UGGT2: variants seen among roughly 807,000 people sequenced by gnomAD.
The protein encoded by UGGT2 is UDP-glucose:glycoprotein glucosyltransferase 2.
Under a neutral mutation model 192.1 loss-of-function variants are expected in UGGT2, and 180 were observed. The ratio of observed to expected loss-of-function variants is 0.94; its 90% confidence interval spans 0.83 to 1.06. The LOEUF is 1.06. Among genes scored for constraint, UGGT2 ranks in the 50% least tolerant of loss-of-function variants. The probability of loss-of-function intolerance (pLI) is 0.00; values close to 1 mark genes in which losing one functional copy is unlikely to be tolerated. For missense variants in UGGT2, 1,849 were observed against 1,795.7 expected (o/e 1.03, Z -0.54); for synonymous variants, 580 against 591.0 (o/e 0.98, Z 0.27).
At chr13:95,928,879 T>C (rs2049141163) in intron 17 of UGGT2, among the ~76,000 whole-genome samples, 1 of 152,094 alleles carries the variant, frequency 6.6e-6, no homozygotes, top group East Asian at 1.9e-4. Context: ...GCCGAGATCA[T>C]GCCACTGCAC....
At chr13:95,969,864 T>C (rs2050713806) in intron 12 of UGGT2, among the ~76,000 whole-genome samples, 1 of 152,218 alleles carries the variant, frequency 6.6e-6, no homozygotes, top group African/African-American at 2.4e-5. Context: ...TATTCTGTTG[T>C]TATCTCTGAA....
chr13:95,856,407 A>T, intron 33 of UGGT2, 67 bp from the exon 34 acceptor site: 3 of 1,538,844 alleles, frequency 1.9e-6, no homozygotes, highest in Non-Finnish European at 2.6e-6. Flanking sequence ...AGAGAAAAAA[A>T]TAACATTAAA....
At chr13:95,905,737 T>A (rs1594285388) in intron 20 of UGGT2, among the ~76,000 whole-genome samples, 1 of 152,214 alleles carries the variant, frequency 6.6e-6, no homozygotes, top group South Asian at 2.1e-4. Flanking sequence ...GTGTGATGCC[T>A]CCAGCTTTGT....
At chr13:95,960,396 C>A (rs1459140148) in intron 12 of UGGT2, among the ~76,000 whole-genome samples, 1 of 152,082 alleles carries the variant, frequency 6.6e-6, no homozygotes, top group South Asian at 2.1e-4. Flanking sequence ...ATAGAAAATT[C>A]ATTGAATGAC....
intron 11 of UGGT2, among the ~76,000 whole-genome samples, chr13:95,970,920 A>T (rs938661868): frequency 6.6e-6 from 1 of 152,222 alleles, no homozygotes; most frequent in Admixed American, 6.5e-5. Context: ...ATGTAGATAT[A>T]TAAGACCCTG....
At chr13:96,007,946 C>A (rs2052032749) in intron 5 of UGGT2, among the ~76,000 whole-genome samples, 1 of 152,128 alleles carries the variant, frequency 6.6e-6, no homozygotes, top group Non-Finnish European at 1.5e-5. Flanking sequence ...GGGGAAAGGA[C>A]AGTCTTTTCA....
chr13:95,922,119 CATTG>C, intron 20 of UGGT2, among the ~76,000 whole-genome samples: 1 of 152,328 alleles, frequency 6.6e-6, no homozygotes, highest in Admixed American at 6.5e-5. Context: ...TCAATCTACA[CATTG>C]ATTGATAGAA....
Position 95,988,181 on chromosome 13 carries a change from T to C in UGGT2, c.932-1749A>G, listed in dbSNP as rs115070050. 6.0e-3 allele frequency among the ~76,000 whole-genome samples: 916 copies of C among 152,152 alleles called. 12 individuals are homozygous for C. The highest frequency in any genetic ancestry group is 0.021 in the African/African-American group (878 of 41,528). ...TACTGGAATCGAATAATCCATTCCT[T>C]GTTGGTTTCCCTCAATCATGCCTGT... On this transcript the variant is annotated intron_variant, in intron 8 of 38. Transcript: ENST00000376747.
At chr13:95,881,707 T>C (rs895821933) in intron 27 of UGGT2, among the ~76,000 whole-genome samples, 3 of 152,242 alleles carry the variant, frequency 2.0e-5, no homozygotes, top group African/African-American at 2.4e-5. Context: ...CTTTTATTTA[T>C]TGCATCTTCT....
intron 5 of UGGT2, among the ~76,000 whole-genome samples, chr13:96,001,433 C>G (rs2051800431): frequency 6.6e-6 from 1 of 152,154 alleles, no homozygotes; most frequent in Admixed American, 6.5e-5. Flanking sequence ...CGGCCCCACC[C>G]CATCTCCCTT....
Position 96,053,191 on chromosome 13 carries a change from G to A in UGGT2, c.122C>T (p.Ala41Val). 1 of 1,523,038 alleles carries A rather than the reference G, an allele frequency of 6.6e-7. No individual in the cohort carries two copies. The highest frequency in any genetic ancestry group is 8.8e-7 in the Non-Finnish European group (1 of 1,141,626). The allele number at this position is 1,523,038 out of a possible 1,614,324, so 94.3% of individuals were successfully genotyped here. Reference sequence around the variant, plus strand: ...CAGCAGCGGGGTCTCGGGCCACTTCGCGGCCAAGTGGGCAGTCACCGACTT... The same window carrying A: ...CAGCAGCGGGGTCTCGGGCCACTTCACGGCCAAGTGGGCAGTCACCGACTT... ...ASKSVTAHLA[A>V]KWPETPLLLE... is the part of the protein sequence containing the mutation. The change falls in exon 1 of 39, where the codon GCG (alanine) becomes GTG (valine). Residue 41 changes from alanine (A) to valine (V), a missense_variant. Physicochemically the swap from Ala to Val is moderately conservative, Grantham distance 64 (BLOSUM62 0). Coordinates refer to ENST00000376747, the MANE Select transcript of UGGT2 (RefSeq NM_020121.4).
At chr13:95,947,416 A>G (rs1247830736) in intron 14 of UGGT2, among the ~76,000 whole-genome samples, 1 of 151,470 alleles carries the variant, frequency 6.6e-6, no homozygotes, top group Non-Finnish European at 1.5e-5. Flanking sequence ...TCAAATGGCC[A>G]TGTTCTTTTG....
At chr13:95,845,923 G>A (rs1888385268) in intron 36 of UGGT2, among the ~76,000 whole-genome samples, 1 of 149,028 alleles carries the variant, frequency 6.7e-6, no homozygotes, top group Non-Finnish European at 1.5e-5. Flanking sequence ...CGGGGAGAGG[G>A]ACTCCTCACT....
At position 95,853,536 on chromosome 13, in the gene UGGT2, T is replaced by C. The variant is rs375633162; in HGVS notation, c.4284+7A>G. The stretch of plus-strand genomic sequence containing the variant: ...ACTCAAAATTATTCTGTTAACATTT[T>C]ACTTACCTGATCTAGGTTTGAAAGA... On this transcript the variant is annotated splice_region_variant and intron_variant, in intron 36 of 38. Coordinates refer to ENST00000376747, the MANE Select transcript of UGGT2 (RefSeq NM_020121.4). 8 of 1,611,438 alleles carry C rather than the reference T, an allele frequency of 5.0e-6. No individual in the cohort carries two copies. The East Asian group carries it at 6.7e-5, about 13-fold the overall frequency.
chr13:95,829,448 A>G (rs1886424036), intron 38 of UGGT2, among the ~76,000 whole-genome samples: 2 of 152,224 alleles, frequency 1.3e-5, no homozygotes, highest in Non-Finnish European at 2.9e-5. Context: ...AATCTCCTTA[A>G]GCTGATAAGC....
intron 38 of UGGT2, chr13:95,832,621 C>T: frequency 2.5e-6 from 1 of 395,314 alleles, no homozygotes; most frequent in South Asian, 2.0e-5. Context: ...AAATTCAGTG[C>T]AATCTTAAAG....
chr13:95,996,983 C>T (rs984052710), intron 6 of UGGT2, among the ~76,000 whole-genome samples: 7 of 152,140 alleles, frequency 4.6e-5, no homozygotes, highest in Admixed American at 3.9e-4. Context: ...ATCATAAAGA[C>T]TGTGACCTCT....
rs754331819 is a variant in UGGT2, at chr13:95,877,355, GA to G, written c.3396del (p.Gln1133AsnfsTer2). The G allele has an allele frequency of 5.6e-6, 9 of 1,603,876 alleles. No homozygotes were observed. The East Asian group carries it at 1.6e-4, about 28-fold the overall frequency. On this transcript the variant is annotated frameshift_variant, in exon 29 of 39. Transcript: ENST00000376747. LOFTEE classifies it high-confidence loss of function. ...DTIVMAHHGY[F>X]QLKANPGAWI... The stretch of plus-strand genomic sequence containing the variant: ...CAAGCACCTGGGTTTGCTTTTAATT[GA>G]AAATACCCCTTTTAAGATGAGAAAA...
At chr13:95,883,878 ATACT>A (rs1328053074) in intron 27 of UGGT2, among the ~76,000 whole-genome samples, 7 of 152,128 alleles carry the variant, frequency 4.6e-5, no homozygotes, top group Non-Finnish European at 7.4e-5. Flanking sequence ...ACTCAGTTTA[ATACT>A]TTCTTTCTGT....
Sources: gnomAD v4.1 joint callset for allele counts (sites outside exome capture counted in the v4.1 genomes callset) on GRCh38, gnomAD v4.1.1 for gene constraint, MANE v1.5 for transcripts, NCBI Gene and HGNC (gene_info 2026-07-23, HGNC 2026-07-21) for gene names.